Variants in ATP10B observed in about 807,000 individuals in gnomAD.
ATP10B encodes ATPase phospholipid transporting 10B (putative), also known as phospholipid-transporting ATPase VB.
ATP10B carries 122 observed loss-of-function variants against 141.2 expected under a neutral mutation model. The ratio of observed to expected loss-of-function variants is 0.86; its 90% CI spans 0.75 to 1.00. ATP10B has a LOEUF of 1.00. Among genes scored for constraint, ATP10B ranks in the 50% least tolerant of loss-of-function variants. The pLI, the probability that ATP10B is intolerant of heterozygous loss-of-function variation, is 0.00. For synonymous variants in ATP10B, 685 were observed against 692.0 expected (o/e 0.99, Z 0.16); for missense variants, 1,876 against 1,825.3 (o/e 1.03, Z -0.51).
chr5:160,843,785 G>T (rs1039618598), intron 1 of ATP10B, among the ~76,000 whole-genome samples: 2 of 152,084 alleles, frequency 1.3e-5, no homozygotes, highest in Admixed American at 1.3e-4. Context: ...AAAGGACATA[G>T]GAACAAAACA....
At chr5:160,866,425 G>A in the ATP10B span, among the ~76,000 whole-genome samples, 1 of 152,136 alleles carries the variant, frequency 6.6e-6, no homozygotes, top group Non-Finnish European at 1.5e-5. Flanking sequence ...TATCATCACA[G>A]TATTTTGGGA....
intron 1 of ATP10B, among the ~76,000 whole-genome samples, chr5:160,845,713 T>TA (rs1396695999): frequency 6.6e-6 from 1 of 152,214 alleles, no homozygotes; most frequent in East Asian, 1.9e-4. Flanking sequence ...CATTAGTCAC[T>TA]ATTCTACAAT....
chr5:160,925,547 A>G, the ATP10B span, among the ~76,000 whole-genome samples: 1 of 152,238 alleles, frequency 6.6e-6, no homozygotes, highest in African/African-American at 2.4e-5. Flanking sequence ...CCTCTTGCAT[A>G]TAAGAGAAAT....
the ATP10B span, among the ~76,000 whole-genome samples, chr5:160,886,718 G>A: frequency 5.3e-5 from 8 of 152,098 alleles, no homozygotes; most frequent in Non-Finnish European, 7.4e-5. Context: ...AATCATGAAT[G>A]CACAATGCAA....
intron 24 of ATP10B, among the ~76,000 whole-genome samples, chr5:160,571,730 T>C (rs572210529): frequency 1.3e-5 from 2 of 152,334 alleles, no homozygotes; most frequent in South Asian, 4.1e-4. Context: ...ACTGCTAATC[T>C]TGAGGTACTT....
At chr5:160,917,408 C>G in the ATP10B span, among the ~76,000 whole-genome samples, 1 of 151,344 alleles carries the variant, frequency 6.6e-6, no homozygotes, top group African/African-American at 2.4e-5. Context: ...GATGTTTAAA[C>G]ACCTCTAACC....
Position 160,696,444 on chromosome 5 carries a change from C to T in ATP10B, c.-204-7501G>A, listed in dbSNP as rs147471368. On this transcript the variant is annotated intron_variant, in intron 3 of 25. Transcript: ENST00000327245. ...ATATTAACTTTGGTTTTGAGCTAAA[C>T]CTTAATACCAAAATGAAGTGGTTTG... Among the ~76,000 whole-genome samples, 928 of 152,154 alleles carry T rather than the reference C, an allele frequency of 6.1e-3. 7 individuals are homozygous for T. Among genetic ancestry groups the T allele is most frequent in the Middle Eastern group, 0.014 (4 of 294 alleles).
intron 3 of ATP10B, among the ~76,000 whole-genome samples, chr5:160,709,380 A>T (rs1765216206): frequency 6.6e-6 from 1 of 151,196 alleles, no homozygotes. Flanking sequence ...ATGGAAAAAT[A>T]AAAAATGACA....
At chr5:160,663,709 C>T (rs558727543) in intron 7 of ATP10B, among the ~76,000 whole-genome samples, 1 of 151,880 alleles carries the variant, frequency 6.6e-6, no homozygotes, top group East Asian at 1.9e-4. Flanking sequence ...TTAATGGGTG[C>T]AGCACACCAA....
chr5:160,882,773 C>A, the ATP10B span, among the ~76,000 whole-genome samples: 4 of 152,012 alleles, frequency 2.6e-5, no homozygotes, highest in Admixed American at 1.3e-4. Flanking sequence ...AATGAACACT[C>A]AAAAATATAT....
At chr5:160,821,988 A>G (rs113859561) in intron 1 of ATP10B, among the ~76,000 whole-genome samples, 4,369 of 152,252 alleles carry the variant, frequency 0.029, 178 homozygotes, top group East Asian at 0.17. Flanking sequence ...AAGGACAGAC[A>G]ACCAAAGCAA....
intron 1 of ATP10B, among the ~76,000 whole-genome samples, chr5:160,798,674 C>G (rs952828154): frequency 1.3e-5 from 2 of 150,700 alleles, no homozygotes; most frequent in African/African-American, 2.4e-5. Flanking sequence ...CTTAAAGCCA[C>G]AAAATGTGGT....
intron 6 of ATP10B, among the ~76,000 whole-genome samples, chr5:160,671,425 T>C (rs1762699107): frequency 6.6e-6 from 1 of 152,044 alleles, no homozygotes; most frequent in South Asian, 2.1e-4. Context: ...ATGGGAAAGA[T>C]TGTTTTTGAT....
chr5:160,866,880 TA>T, the ATP10B span, among the ~76,000 whole-genome samples: 3 of 152,102 alleles, frequency 2.0e-5, no homozygotes, highest in Non-Finnish European at 2.9e-5. Context: ...CCCAAACTGT[TA>T]AAATAGAAGT....
chr5:160,684,957 C>A (rs926746193), intron 6 of ATP10B: 2 of 703,228 alleles, frequency 2.8e-6, no homozygotes, highest in African/African-American at 3.5e-5. Flanking sequence ...TCATGCTCAC[C>A]TCAGGCTGGA....
At chr5:160,638,958 A>C (rs899705127) in intron 10 of ATP10B, among the ~76,000 whole-genome samples, 1 of 152,170 alleles carries the variant, frequency 6.6e-6, no homozygotes, top group Non-Finnish European at 1.5e-5. Context: ...TCCACCTCTC[A>C]TGGTGCTCCT....
intron 24 of ATP10B, among the ~76,000 whole-genome samples, chr5:160,580,415 T>G (rs946162092): frequency 3.9e-5 from 6 of 152,184 alleles, no homozygotes; most frequent in Non-Finnish European, 8.8e-5. Context: ...TCTATTGAGG[T>G]AATTGTGTGG....
the ATP10B span, among the ~76,000 whole-genome samples, chr5:160,863,863 C>G: frequency 6.6e-6 from 1 of 151,888 alleles, no homozygotes; most frequent in South Asian, 2.1e-4. Context: ...GGATAAGTTC[C>G]TGGAAATATG....
chr5:160,705,803 T>A (rs1477877393), intron 3 of ATP10B, among the ~76,000 whole-genome samples: 2 of 152,224 alleles, frequency 1.3e-5, no homozygotes, highest in Admixed American at 6.5e-5. Flanking sequence ...CATTCACAAC[T>A]TGGTCAACTA....
Sources: gnomAD v4.1 joint callset for allele counts (sites outside exome capture counted in the v4.1 genomes callset) on GRCh38, gnomAD v4.1.1 for gene constraint, MANE v1.5 for transcripts, NCBI Gene and HGNC (gene_info 2026-07-23, HGNC 2026-07-21) for gene names.